SORCS1: variants seen among roughly 807,000 people sequenced by gnomAD.
SORCS1 encodes the protein VPS10 domain-containing receptor SorCS1.
Under a neutral mutation model 146.1 loss-of-function variants are expected in SORCS1, and 60 were observed. The observed-to-expected ratio is 0.41, with a 90% CI of 0.33 to 0.51. The LOEUF (loss-of-function observed/expected upper bound fraction) is 0.51. Among genes scored for constraint, SORCS1 ranks in the 20% least tolerant of loss-of-function variants. SORCS1 has a pLI of 0.21. For synonymous variants in SORCS1, 637 were observed against 584.0 expected (o/e 1.09, Z -1.31); for missense variants, 1,352 against 1,487.6 (o/e 0.91, Z 1.50).
rs545761375 is a variant in SORCS1 at position 106,663,218 on chromosome 10, T to C, written c.2303+4471A>G. On this transcript the variant is annotated intron_variant, in intron 17 of 25. Transcript: ENST00000263054. Reference sequence around the variant, plus strand: ...AAAGAAATGAGAAAGTGCCCTTATATACTCTGGCTTAGAAAGATGTTTAAG... The same window carrying C: ...AAAGAAATGAGAAAGTGCCCTTATACACTCTGGCTTAGAAAGATGTTTAAG... 1.1e-3 allele frequency among the ~76,000 whole-genome samples: 160 copies of C among 152,234 alleles called. 3 individuals are homozygous for C. The South Asian group carries it at 0.032, about 30-fold the overall frequency.
chr10:106,769,426 A>T (rs183623605), intron 4 of SORCS1, among the ~76,000 whole-genome samples: 212 of 150,630 alleles, frequency 1.4e-3, no homozygotes, highest in African/African-American at 5.0e-3. Context: ...CGGAGGTTAC[A>T]GTGAGCTGAG....
At chr10:106,627,435 T>G (rs748167216) in intron 19 of SORCS1, among the ~76,000 whole-genome samples, 1 of 152,224 alleles carries the variant, frequency 6.6e-6, no homozygotes, top group Non-Finnish European at 1.5e-5. Context: ...TAATATGGTC[T>G]AGGTAGGAGC....
intron 5 of SORCS1, among the ~76,000 whole-genome samples, chr10:106,755,647 T>C (rs954757325): frequency 2.6e-5 from 4 of 152,094 alleles, no homozygotes; most frequent in African/African-American, 4.8e-5. Context: ...CCTCCAACCT[T>C]GAACCATGCA....
chr10:107,073,419 A>G (rs148630729), intron 1 of SORCS1, among the ~76,000 whole-genome samples: 41 of 152,298 alleles, frequency 2.7e-4, no homozygotes, highest in African/African-American at 9.4e-4. Context: ...ACTGCCCTCA[A>G]GGATTCTGCC....
intron 1 of SORCS1, among the ~76,000 whole-genome samples, chr10:107,050,721 A>G (rs1335817970): frequency 3.3e-5 from 5 of 152,196 alleles, no homozygotes; most frequent in Non-Finnish European, 7.4e-5. Flanking sequence ...CACAGAGGAA[A>G]TGGGACTGGG....
intron 16 of SORCS1, among the ~76,000 whole-genome samples, chr10:106,668,785 G>C (rs527884783): frequency 6.6e-6 from 1 of 152,282 alleles, no homozygotes; most frequent in East Asian, 1.9e-4. Context: ...GCTGCCTATA[G>C]GACAACCAGT....
At chr10:106,988,450 T>C (rs111284528) in intron 1 of SORCS1, among the ~76,000 whole-genome samples, 28 of 152,322 alleles carry the variant, frequency 1.8e-4, no homozygotes, top group African/African-American at 6.5e-4. Flanking sequence ...AGTCTCTCAG[T>C]TGGACGTCTT....
chr10:106,923,092 T>A lies in SORCS1; in HGVS notation c.626+33421A>T, dbSNP rs1308595216. 1.2e-4 allele frequency among the ~76,000 whole-genome samples: 18 copies of A among 152,274 alleles called. No individual in the cohort carries two copies. The East Asian group carries it at 3.5e-3, about 30-fold the overall frequency. ...TTTTAGTAGAGACGGGGTTTCACGA[T>A]GTTGGCCAGGATGGTCTCGATCTCT... is the stretch of plus-strand genomic sequence containing the variant. On this transcript the variant is annotated intron_variant, in intron 2 of 25. Transcript: ENST00000263054.
intron 2 of SORCS1, among the ~76,000 whole-genome samples, chr10:106,835,760 C>T (rs1361879260): frequency 6.6e-6 from 1 of 152,074 alleles, no homozygotes; most frequent in Non-Finnish European, 1.5e-5. Flanking sequence ...AATCCCAGAA[C>T]TTTGGGAGGC....
intron 1 of SORCS1, among the ~76,000 whole-genome samples, chr10:107,065,511 T>TC (rs1235974677): frequency 0.021 from 771 of 37,454 alleles, 5 homozygotes; most frequent in Non-Finnish European, 0.044. Flanking sequence ...TCCTCTCCTC[T>TC]CTTTCTTTCT....
intron 5 of SORCS1, among the ~76,000 whole-genome samples, chr10:106,742,107 T>C (rs902071436): frequency 6.6e-6 from 1 of 152,152 alleles, no homozygotes; most frequent in East Asian, 1.9e-4. Context: ...GGAGTAAGAA[T>C]AGAATTGGGT....
At chr10:106,715,774 T>C (rs1459025067) in intron 6 of SORCS1, among the ~76,000 whole-genome samples, 1 of 152,168 alleles carries the variant, frequency 6.6e-6, no homozygotes, top group Admixed American at 6.5e-5. Flanking sequence ...TTCTTTTTTT[T>C]GAGGACAGAG....
chr10:106,878,620 GTA>G (rs3982430), intron 2 of SORCS1, among the ~76,000 whole-genome samples: 48,798 of 84,838 alleles, frequency 0.58, 12,780 homozygotes, highest in Middle Eastern at 0.7. Context: ...AAACTACCTA[GTA>G]TATATATATA....
At chr10:106,974,804 C>T (rs1423817978) in intron 1 of SORCS1, among the ~76,000 whole-genome samples, 12 of 152,298 alleles carry the variant, frequency 7.9e-5, no homozygotes, top group Admixed American at 2.0e-4. Flanking sequence ...CCCAGCTTTA[C>T]GCAGTTTTGA....
At chr10:106,595,011 C>G (rs1845824287) in intron 24 of SORCS1, among the ~76,000 whole-genome samples, 1 of 152,172 alleles carries the variant, frequency 6.6e-6, no homozygotes, top group African/African-American at 2.4e-5. Flanking sequence ...GACTACAACT[C>G]TTGTTTCTGG....
At chr10:106,979,957 C>T (rs990709004) in intron 1 of SORCS1, among the ~76,000 whole-genome samples, 1 of 152,128 alleles carries the variant, frequency 6.6e-6, no homozygotes, top group African/African-American at 2.4e-5. Context: ...ACATGGTAGT[C>T]CTTCAAATGT....
intron 23 of SORCS1, among the ~76,000 whole-genome samples, chr10:106,606,272 TATAC>T (rs1334897088): frequency 0.011 from 1,189 of 107,802 alleles, 9 homozygotes; most frequent in Non-Finnish European, 0.012. Context: ...CACACACAGA[TATAC>T]ACACACACAC....
At chr10:106,755,813 G>T (rs964397222) in intron 5 of SORCS1, among the ~76,000 whole-genome samples, 1 of 152,148 alleles carries the variant, frequency 6.6e-6, no homozygotes, top group Non-Finnish European at 1.5e-5. Context: ...AGACTGGCTT[G>T]ATGGGGCTTC....
chr10:106,924,764 A>ATTTTTTTTTTTT (rs368269912), intron 2 of SORCS1, among the ~76,000 whole-genome samples: 1 of 99,916 alleles, frequency 1.0e-5, no homozygotes, highest in Non-Finnish European at 2.4e-5. Context: ...AACTGCATGG[A>ATTTTTTTTTTTT]TTTTTTTTTT....
Sources: gnomAD v4.1 joint callset for allele counts (sites outside exome capture counted in the v4.1 genomes callset) on GRCh38, gnomAD v4.1.1 for gene constraint, MANE v1.5 for transcripts, NCBI Gene and HGNC (gene_info 2026-07-23, HGNC 2026-07-21) for gene names.